Variants in MTUS2 observed in about 807,000 individuals in gnomAD.
The protein encoded by MTUS2 is microtubule-associated tumor suppressor candidate 2.
A neutral mutation model predicts 114.1 loss-of-function variants in MTUS2; 40 were observed. The observed-to-expected ratio is 0.35, with a 90% CI of 0.27 to 0.46. The LOEUF (loss-of-function observed/expected upper bound fraction) is 0.46. Among genes scored for constraint, MTUS2 ranks in the 20% least tolerant of loss-of-function variants. The probability of loss-of-function intolerance (pLI) is 1.00; values close to 1 mark genes in which losing one functional copy is unlikely to be tolerated. For missense variants in MTUS2, 1,679 were observed against 1,705.4 expected, an observed-to-expected ratio of 0.98 and a Z score of 0.27; for synonymous variants, 688 against 672.0, an observed-to-expected ratio of 1.02 and a Z score of -0.37.
chr13:29,175,341 CA>C (rs563147622), intron 5 of MTUS2, among the ~76,000 whole-genome samples: 137 of 152,264 alleles, frequency 9.0e-4, no homozygotes, highest in South Asian at 1.7e-3. Context: ...TATTTACTCC[CA>C]GGGGAAGGAG....
intron 2 of MTUS2, among the ~76,000 whole-genome samples, chr13:29,005,935 G>A (rs1213488040): frequency 6.6e-6 from 1 of 152,212 alleles, no homozygotes; most frequent in Non-Finnish European, 1.5e-5. Context: ...CCATGTTCTG[G>A]CAGATGGCCC....
intron 2 of MTUS2, among the ~76,000 whole-genome samples, chr13:28,917,127 T>C (rs1459514824): frequency 6.6e-6 from 1 of 151,900 alleles, no homozygotes; most frequent in East Asian, 1.9e-4. Context: ...CTGGTCATGA[T>C]GATGATCTTT....
chr13:28,900,228 G>A (rs181523251), intron 2 of MTUS2, among the ~76,000 whole-genome samples: 1 of 152,146 alleles, frequency 6.6e-6, no homozygotes, highest in African/African-American at 2.4e-5. Flanking sequence ...TTTTAACAAC[G>A]ATTACAATAT....
At chr13:28,886,377 C>A (rs940739082) in intron 2 of MTUS2, among the ~76,000 whole-genome samples, 39 of 151,992 alleles carry the variant, frequency 2.6e-4, no homozygotes, top group African/African-American at 9.4e-4. Flanking sequence ...ATTATAGAGA[C>A]CTGGGTCTAG....
chr13:29,074,676 C>T (rs116395306), intron 4 of MTUS2, among the ~76,000 whole-genome samples: 2,438 of 152,224 alleles, frequency 0.016, 56 homozygotes, highest in African/African-American at 0.056. Context: ...ACGAGTGCTT[C>T]TATTTTAGTC....
intron 4 of MTUS2, among the ~76,000 whole-genome samples, chr13:29,052,087 A>G (rs747337527): frequency 3.9e-5 from 6 of 152,320 alleles, no homozygotes; most frequent in African/African-American, 9.6e-5. Flanking sequence ...AAAAAAGTCT[A>G]TTAACTTCAC....
At chr13:29,422,146 G>C (rs1019942344) in intron 8 of MTUS2, among the ~76,000 whole-genome samples, 3 of 152,182 alleles carry the variant, frequency 2.0e-5, no homozygotes, top group Admixed American at 6.5e-5. Context: ...CAAGCCTGAA[G>C]TTCTACAGGC....
At chr13:29,220,767 T>C (rs1360313969) in intron 5 of MTUS2, among the ~76,000 whole-genome samples, 1 of 152,144 alleles carries the variant, frequency 6.6e-6, no homozygotes, top group African/African-American at 2.4e-5. Flanking sequence ...ATTACCAGAA[T>C]GTGACACAGA....
At chr13:29,394,898 G>A (rs1385906317) in intron 8 of MTUS2, among the ~76,000 whole-genome samples, 1 of 152,066 alleles carries the variant, frequency 6.6e-6, no homozygotes, top group Non-Finnish European at 1.5e-5. Context: ...ATCTAAGGTG[G>A]AACAGTTTCA....
At chr13:29,492,495 C>A in intron 11 of MTUS2, 151 bp from the exon 12 acceptor site, 5 of 575,588 alleles carry the variant, frequency 8.7e-6, no homozygotes, top group Admixed American at 3.0e-5. Flanking sequence ...CATACAATTT[C>A]AAACCAGTGG....
rs1200031626 is a variant in MTUS2 at position 29,496,027 on chromosome 13, G to T, written c.3580-1211G>T. Among the ~76,000 whole-genome samples the T allele has an allele frequency of 6.6e-6, 1 of 152,150 alleles. No individual in the cohort carries two copies. Among genetic ancestry groups the T allele is most frequent in the Non-Finnish European group, 1.5e-5 (1 of 68,022 alleles). Reference sequence around the variant, plus strand: ...GTTTTGATATTACAGAAATGGTCCTGTGCAAAGAGCTTTGGACTGGTCTGC... The same window carrying T: ...GTTTTGATATTACAGAAATGGTCCTTTGCAAAGAGCTTTGGACTGGTCTGC... On this transcript the variant is annotated intron_variant, in intron 12 of 15. Coordinates refer to ENST00000612955, the MANE Select transcript of MTUS2 (RefSeq NM_001033602.4). The surrounding 1 kb of genome is among the most constrained non-coding windows in gnomAD (Gnocchi z 4.3).
chr13:29,308,595 C>A (rs561393513), intron 6 of MTUS2, among the ~76,000 whole-genome samples: 1 of 152,130 alleles, frequency 6.6e-6, no homozygotes, highest in Non-Finnish European at 1.5e-5. Context: ...CAAAAGAAAC[C>A]ATCATCAGAG....
At chr13:29,410,117 T>C (rs1288106842) in intron 8 of MTUS2, among the ~76,000 whole-genome samples, 1 of 109,746 alleles carries the variant, frequency 9.1e-6, no homozygotes, top group Non-Finnish European at 1.8e-5. Flanking sequence ...CCATCGAATA[T>C]GCTGTTGTAC....
chr13:28,859,931 C>T (rs1190511085), intron 2 of MTUS2, among the ~76,000 whole-genome samples: 1 of 152,104 alleles, frequency 6.6e-6, no homozygotes, highest in East Asian at 1.9e-4. Flanking sequence ...TCTTACTGAT[C>T]AGTACACTCC....
chr13:29,209,478 TG>T (rs1347583607), intron 5 of MTUS2, among the ~76,000 whole-genome samples: 3 of 152,106 alleles, frequency 2.0e-5, no homozygotes, highest in African/African-American at 7.2e-5. Context: ...GGTTGTTGCC[TG>T]AATACCTTGT....
At chr13:29,328,319 G>A (rs1900616151) in intron 7 of MTUS2, among the ~76,000 whole-genome samples, 1 of 152,240 alleles carries the variant, frequency 6.6e-6, no homozygotes, top group African/African-American at 2.4e-5. Flanking sequence ...GATAAAGTGT[G>A]CCTGAAGCAG....
At chr13:29,321,318 G>A (rs1900244723) in intron 6 of MTUS2, among the ~76,000 whole-genome samples, 1 of 152,196 alleles carries the variant, frequency 6.6e-6, no homozygotes, top group Non-Finnish European at 1.5e-5. Flanking sequence ...AGGAAAACAT[G>A]AGACCAAAGA....
At chr13:29,459,318 G>T (rs989742581) in intron 9 of MTUS2, among the ~76,000 whole-genome samples, 1 of 152,154 alleles carries the variant, frequency 6.6e-6, no homozygotes, top group Admixed American at 6.6e-5. Context: ...TACTTGATCA[G>T]GGAGTCATCA....
At chr13:28,914,069 G>GT (rs1162673828) in intron 2 of MTUS2, among the ~76,000 whole-genome samples, 2 of 151,548 alleles carry the variant, frequency 1.3e-5, no homozygotes, top group African/African-American at 4.8e-5. Flanking sequence ...TGGATTTATT[G>GT]GTTTTTTTGA....
Sources: gnomAD v4.1 joint callset for allele counts (sites outside exome capture counted in the v4.1 genomes callset) on GRCh38, gnomAD v4.1.1 for gene constraint, Gnocchi (gnomAD v3.1) non-coding constraint, MANE v1.5 for transcripts, NCBI Gene and HGNC (gene_info 2026-07-23, HGNC 2026-07-21) for gene names.